Variants in DACT2 observed in about 807,000 individuals in gnomAD.
The protein encoded by DACT2 is dishevelled binding antagonist of beta catenin 2.
A neutral mutation model predicts 22.2 loss-of-function variants in DACT2; 20 were observed. The ratio of observed to expected loss-of-function variants is 0.90; its 90% CI spans 0.63 to 1.31. The LOEUF is 1.31. Among genes scored for constraint, DACT2 ranks in the 50% most tolerant of loss-of-function variants. The probability of loss-of-function intolerance (pLI) is 0.00; values close to 1 mark genes in which losing one functional copy is unlikely to be tolerated. For missense variants in DACT2, 1,048 were observed against 1,061.4 expected (o/e 0.99, Z 0.18); for synonymous variants, 463 against 479.8 (o/e 0.96, Z 0.46).
At chr6:168,294,277 C>G (rs1017024045) in intron 4 of DACT2, 2 of 702,142 alleles carry the variant, frequency 2.8e-6, no homozygotes, top group African/African-American at 3.5e-5. Context: ...GAATGCTTGC[C>G]GTTTCACTGG....
chr6:168,306,888 A>C, downstream of DACT2: 1 of 989,116 alleles, frequency 1.0e-6, no homozygotes, highest in Non-Finnish European at 1.2e-6. Context: ...CACACAAGGA[A>C]TCAGGGAGGA....
chr6:168,311,548 A>ACACACACACACACACC lies in DACT2; in HGVS notation c.247-265_247-264insGGTGTGTGTGTGTGTG, dbSNP rs760504807. On this transcript the variant is annotated intron_variant, in intron 1 of 3. Coordinates refer to ENST00000366795, the MANE Select transcript of DACT2 (RefSeq NM_214462.5). ...CACACACACACACCCATCCACACAC[A>ACACACACACACACACC]CATACACACACTCACACACAAACAC... is the stretch of plus-strand genomic sequence containing the variant. Among the ~76,000 whole-genome samples the ACACACACACACACACC allele has an allele frequency of 2.3e-4, 18 of 79,556 alleles. 1 individual carries two copies. The highest frequency in any genetic ancestry group is 6.9e-4 in the African/African-American group (10 of 14,586). 52.2% of individuals were successfully genotyped at this position (79,556 alleles called of 152,430 possible). A position where few individuals can be genotyped will look rare whatever the true frequency, so the allele number is the denominator to read the frequency against.
chr6:168,314,503 A>C (rs1396486690), intron 1 of DACT2, among the ~76,000 whole-genome samples: 1 of 152,220 alleles, frequency 6.6e-6, no homozygotes, highest in African/African-American at 2.4e-5. Context: ...CAAGTTCCTT[A>C]AGACAACAAA....
At position 168,307,234 on chromosome 6, in the gene DACT2, C is replaced by T. The variant is rs1013024191; in HGVS notation, c.*198G>A. ...GCTGGCATCTGAAACCAGAGCTCCG[C>T]ATGGAAGTCTTTGCTGGGGCGGGGA... On this transcript the variant is annotated 3_prime_UTR_variant, in exon 4 of 4. Transcript: ENST00000366795. This position sits in a 1 kb window ranked among gnomAD's most constrained non-coding sequence, Gnocchi z 5.3. 4 of 1,416,810 alleles carry T rather than the reference C, an allele frequency of 2.8e-6. No homozygotes were observed. The African/African-American group carries it at 5.9e-5, about 21-fold the overall frequency. The allele number at this position is 1,416,810 out of a possible 1,614,324, so 87.8% of individuals were successfully genotyped here.
downstream of DACT2, among the ~76,000 whole-genome samples, chr6:168,306,181 C>T (rs142636304): frequency 3.0e-3 from 461 of 152,324 alleles, 4 homozygotes; most frequent in Admixed American, 0.011. Flanking sequence ...TTCCTCCCAA[C>T]GATCTTGCCC....
Position 168,307,817 on chromosome 6 carries a change from C to T in DACT2, c.1940G>A (p.Arg647His), listed in dbSNP as rs539097134. 72 of 1,539,478 alleles carry T rather than the reference C, an allele frequency of 4.7e-5. No individual in the cohort carries two copies. In the East Asian group the frequency reaches 4.9e-4, roughly 10 times the overall value. Residue 647 changes from arginine (R) to histidine (H), a missense_variant, in exon 4 of 4, where the codon CGT (arginine) becomes CAT (histidine). Transcript: ENST00000366795. The surrounding 1 kb of genome is among the most constrained non-coding windows in gnomAD (Gnocchi z 5.3). ...GGCGTCCTGGCGGACCAGTGAGGGA[C>T]GGCCCCGGGCCAGTGGGCCACCTGC... ...RRAGGPLARGRPSLVRQDAYT... is the reference protein window; with the variant it reads ...RRAGGPLARGHPSLVRQDAYT...
rs1779360592 is a variant in DACT2, at chr6:168,310,244, C to T, written c.582G>A (p.Glu194=). The change falls in exon 3 of 4, where the codon GAG becomes GAA. Residue 194 remains glutamate (E), a synonymous_variant. Transcript: ENST00000366795. ...CCACGCTCCCTGGGGGCCTGGCGCC[C>T]TCCTCGGTAGCCTGGGGTCTCCACG... ...VPAWRPQATE[E]GARPPGSVED... is the part of the protein sequence containing the mutation. 6.4e-7 allele frequency: 1 copy of T among 1,551,196 alleles called. No individual in the cohort carries two copies. The highest frequency in any genetic ancestry group is 8.7e-7 in the Non-Finnish European group (1 of 1,147,010).
chr6:168,301,417 G>T (rs919400693), intron 3 of DACT2, among the ~76,000 whole-genome samples: 2 of 152,180 alleles, frequency 1.3e-5, no homozygotes, highest in African/African-American at 2.4e-5. Flanking sequence ...CCAGAAAGCC[G>T]ACTCCTTTTC....
intron 1 of DACT2, among the ~76,000 whole-genome samples, 160 bp downstream of exon 1, chr6:168,319,228 C>T (rs950890830): frequency 6.6e-6 from 1 of 152,062 alleles, no homozygotes; most frequent in Non-Finnish European, 1.5e-5. Flanking sequence ...GCCTCCATGT[C>T]CCCCTCCTTG....
chr6:168,318,844 C>T (rs991454082), intron 1 of DACT2, among the ~76,000 whole-genome samples: 5 of 152,156 alleles, frequency 3.3e-5, no homozygotes, highest in African/African-American at 1.2e-4. Context: ...CAGTTACATG[C>T]TTTCCCCCAA....
chr6:168,295,176 T>C (rs1249970916), intron 3 of DACT2, among the ~76,000 whole-genome samples: 1 of 152,236 alleles, frequency 6.6e-6, no homozygotes, highest in Non-Finnish European at 1.5e-5. Context: ...CTTCTGAGGA[T>C]CAGGTGGGCA....
At chr6:168,314,227 G>A (rs1656032467) in intron 1 of DACT2, among the ~76,000 whole-genome samples, 1 of 152,210 alleles carries the variant, frequency 6.6e-6, no homozygotes, top group Admixed American at 6.5e-5. Flanking sequence ...GCCCTGGATG[G>A]CCGTGCTCCA....
Position 168,319,538 on chromosome 6 carries a change from C to A in DACT2, c.96G>T (p.Leu32=). ...CCTGCTGCGTGGCTCGCAGCCCCTG[C>A]AGCTCCTGCAGCCCCGCGAACGCCG... ...LRAAFAGLQE[L]QGLRATQQER... Residue 32 remains leucine, a synonymous_variant, in exon 1 of 4, where the codon CTG becomes CTT. Transcript: ENST00000366795. The A allele has an allele frequency of 7.3e-7, 1 of 1,374,118 alleles. No homozygotes were observed. The highest frequency in any genetic ancestry group is 1.6e-5 in the South Asian group (1 of 64,194). 85.1% of individuals were successfully genotyped at this position (1,374,118 alleles called of 1,614,324 possible). A position where few individuals can be genotyped will look rare whatever the true frequency, so the allele number is the denominator to read the frequency against.
At chr6:168,313,420 A>G (rs1305567652) in intron 1 of DACT2, among the ~76,000 whole-genome samples, 1 of 152,236 alleles carries the variant, frequency 6.6e-6, no homozygotes, top group East Asian at 1.9e-4. Flanking sequence ...TTATGCTTCC[A>G]GAACCACCCA....
intron 3 of DACT2, among the ~76,000 whole-genome samples, chr6:168,300,992 A>G (rs1779093294): frequency 6.6e-6 from 1 of 152,022 alleles, no homozygotes; most frequent in Non-Finnish European, 1.5e-5. Flanking sequence ...TCAAAAAACA[A>G]ACAAACAAAC....
At position 168,293,805 on chromosome 6, in the gene DACT2, G is replaced by A. The variant is rs137989227; in HGVS notation, c.*89C>T. The A allele has an allele frequency of 6.6e-4, 460 of 699,280 alleles. 2 individuals are homozygous for A. The East Asian group carries it at 0.011, about 17-fold the overall frequency. 43.3% of individuals were successfully genotyped at this position (699,280 alleles called of 1,614,324 possible). Reference sequence around the variant, plus strand: ...CGGGCAGAGGGGGGCCGATGATATCGGGAGAAGAAGCTGGGCCTGTGGCCA... The same window carrying A: ...CGGGCAGAGGGGGGCCGATGATATCAGGAGAAGAAGCTGGGCCTGTGGCCA... On this transcript the variant is annotated 3_prime_UTR_variant, in exon 6 of 6. Coordinates refer to the DACT2 transcript ENST00000366796.
At chr6:168,304,397 T>G (rs1474767127), downstream of DACT2, among the ~76,000 whole-genome samples, 1 of 152,248 alleles carries the variant, frequency 6.6e-6, no homozygotes, top group Non-Finnish European at 1.5e-5. Flanking sequence ...TTCACAGTGC[T>G]TAAGACTCTG....
chr6:168,309,446 G>GCGTGTAGACACAGGGTGCGGGGCCGTTTC (rs1262445494), intron 3 of DACT2, among the ~76,000 whole-genome samples: 2 of 151,264 alleles, frequency 1.3e-5, no homozygotes, highest in African/African-American at 4.9e-5. Context: ...GGGGCCGTTT[G>GCGTGTAGACACAGGGTGCGGGGCCGTTTC]CGTGTAGACA....
chr6:168,304,625 C>A (rs1779167096), downstream of DACT2, among the ~76,000 whole-genome samples: 1 of 152,222 alleles, frequency 6.6e-6, no homozygotes, highest in Non-Finnish European at 1.5e-5. Flanking sequence ...AGGCCATAAC[C>A]TGGGCCGACT....
Sources: allele counts gnomAD v4.1 joint callset (sites outside exome capture counted in the v4.1 genomes callset), GRCh38; gene constraint gnomAD v4.1.1; non-coding constraint Gnocchi (gnomAD v3.1); transcripts MANE v1.5; gene names NCBI Gene and HGNC (gene_info 2026-07-23, HGNC 2026-07-21).